The following PPP1R21 variants were observed in gnomAD, a reference collection of about 807,000 sequenced individuals.
The protein encoded by PPP1R21 is protein phosphatase 1 regulatory subunit 21, also known as KLRAQ motif containing 1.
Under a neutral mutation model 112.8 loss-of-function variants are expected in PPP1R21, and 85 were observed. That is an observed-to-expected ratio of 0.75 (90% CI 0.63 to 0.90). The LOEUF is 0.90. PPP1R21 is among the 40% of genes least tolerant of loss of function. The pLI, the probability that PPP1R21 is intolerant of heterozygous loss-of-function variation, is 0.00. For synonymous variants in PPP1R21, 381 were observed against 322.3 expected, an observed-to-expected ratio of 1.18 and a Z score of -1.95; for missense variants, 1,199 against 901.5, an observed-to-expected ratio of 1.33 and a Z score of -4.23.
rs913532186 is a variant in PPP1R21 at position 48,456,877 on chromosome 2, C to T, written c.274-1249C>T. 2.0e-5 allele frequency among the ~76,000 whole-genome samples: 3 copies of T among 152,030 alleles called. No homozygotes were observed. In the East Asian group the frequency reaches 5.8e-4, roughly 29 times the overall value. On this transcript the variant is annotated intron_variant, in intron 3 of 21. Transcript: ENST00000294952. Reference sequence around the variant, plus strand: ...ACCAGCCTGGCCAGCATGGTGAAACCCTGTCTCTACTAAAAATACAAAAAA... The same window carrying T: ...ACCAGCCTGGCCAGCATGGTGAAACTCTGTCTCTACTAAAAATACAAAAAA...
intron 7 of PPP1R21, among the ~76,000 whole-genome samples, chr2:48,463,554 G>T (rs1668071299): frequency 6.6e-6 from 1 of 152,102 alleles, no homozygotes; most frequent in African/African-American, 2.4e-5. Flanking sequence ...TGAAGGAAAT[G>T]GAGAAGCATG....
At chr2:48,443,854 G>T (rs1031216164) in intron 1 of PPP1R21, among the ~76,000 whole-genome samples, 1 of 151,994 alleles carries the variant, frequency 6.6e-6, no homozygotes, top group African/African-American at 2.4e-5. Context: ...TAATTTTTCT[G>T]CCTTATTTAG....
intron 13 of PPP1R21, among the ~76,000 whole-genome samples, chr2:48,485,081 A>G (rs542582909): frequency 6.6e-6 from 1 of 152,150 alleles, no homozygotes; most frequent in Non-Finnish European, 1.5e-5. Context: ...GGGAATGTAA[A>G]TTAGTTCAAC....
intron 12 of PPP1R21, among the ~76,000 whole-genome samples, chr2:48,475,834 C>T (rs562166765): frequency 6.6e-6 from 1 of 150,728 alleles, no homozygotes; most frequent in Admixed American, 6.6e-5. Context: ...GCAGCAATAG[C>T]GAAACTGTCT....
intron 9 of PPP1R21, among the ~76,000 whole-genome samples, chr2:48,470,817 T>C (rs955651601): frequency 2.6e-5 from 4 of 152,186 alleles, no homozygotes; most frequent in South Asian, 2.1e-4. Flanking sequence ...TGGTTATTAA[T>C]TGTGTCACCC....
At chr2:48,504,660 A>C (rs1272390322) in intron 17 of PPP1R21, among the ~76,000 whole-genome samples, 1 of 152,118 alleles carries the variant, frequency 6.6e-6, no homozygotes, top group African/African-American at 2.4e-5. Flanking sequence ...CAAACAAAAA[A>C]AAACTGTTCA....
At chr2:48,471,559 T>C (rs192516575) in intron 11 of PPP1R21, 192 bp downstream of exon 11, 29 of 555,426 alleles carry the variant, frequency 5.2e-5, no homozygotes, top group African/African-American at 5.1e-4. Context: ...AGTTGAATTA[T>C]AGTCTGTCAG....
chr2:48,508,211 G>C (rs1670477324), intron 19 of PPP1R21, among the ~76,000 whole-genome samples: 1 of 152,156 alleles, frequency 6.6e-6, no homozygotes, highest in South Asian at 2.1e-4. Context: ...AAGGTAGAAT[G>C]GATGCTGCTC....
At chr2:48,452,849 C>T (rs896511177) in intron 2 of PPP1R21, among the ~76,000 whole-genome samples, 6 of 152,048 alleles carry the variant, frequency 3.9e-5, no homozygotes, top group Non-Finnish European at 5.9e-5. Context: ...AAATTATTTT[C>T]TCCTTAATGG....
chr2:48,506,345 C>T (rs569348243), intron 18 of PPP1R21, among the ~76,000 whole-genome samples: 2 of 152,130 alleles, frequency 1.3e-5, no homozygotes, highest in African/African-American at 4.8e-5. Context: ...CCATCTGCCT[C>T]GGCCTCCCAA....
intron 1 of PPP1R21, among the ~76,000 whole-genome samples, chr2:48,446,143 G>A (rs545916020): frequency 3.7e-4 from 57 of 152,344 alleles, no homozygotes; most frequent in African/African-American, 1.3e-3. Flanking sequence ...TGTAAAAGTG[G>A]TTCTAACACA....
chr2:48,471,573 C>T (rs1668497069), intron 11 of PPP1R21: 2 of 516,158 alleles, frequency 3.9e-6, no homozygotes, highest in African/African-American at 1.9e-5. Flanking sequence ...CTGTCAGTTA[C>T]AGATTTTCAG....
intron 14 of PPP1R21, among the ~76,000 whole-genome samples, chr2:48,490,586 A>G (rs1669518592): frequency 6.6e-6 from 1 of 152,184 alleles, no homozygotes; most frequent in Admixed American, 6.5e-5. Flanking sequence ...ATTTAAATGG[A>G]AGTTACATAT....
intron 1 of PPP1R21, among the ~76,000 whole-genome samples, chr2:48,446,836 C>T (rs939541359): frequency 2.6e-5 from 4 of 152,102 alleles, no homozygotes; most frequent in African/African-American, 7.2e-5. Flanking sequence ...AACCTCCGTC[C>T]GTCTCCTGGG....
rs1667816066 is a variant in PPP1R21, at chr2:48,458,360, T to C, written c.375+133T>C. 5.5e-6 allele frequency: 3 copies of C among 546,556 alleles called. No homozygotes were observed. The Admixed American group carries it at 9.0e-5, about 16-fold the overall frequency. The allele number at this position is 546,556 out of a possible 1,614,324, so 33.9% of individuals were successfully genotyped here. A position where few individuals can be genotyped will look rare whatever the true frequency, so the allele number is the denominator to read the frequency against. ...GTCTTCTATGGTCTTCAAGTATATA[T>C]GTCACTGTCACTTATTCATTTCTTA... On this transcript the variant is annotated intron_variant, in intron 4 of 21. Transcript: ENST00000294952.
intron 2 of PPP1R21, among the ~76,000 whole-genome samples, chr2:48,452,511 T>G (rs1179618285): frequency 1.3e-5 from 2 of 150,384 alleles, no homozygotes; most frequent in East Asian, 3.9e-4. Context: ...ATAAGCATAA[T>G]TATATATTAT....
At chr2:48,469,837 C>T (rs1668425150) in intron 9 of PPP1R21, among the ~76,000 whole-genome samples, 2 of 152,072 alleles carry the variant, frequency 1.3e-5, no homozygotes, top group South Asian at 4.2e-4. Flanking sequence ...GATTCAGAAA[C>T]CATTTGTTAA....
intron 7 of PPP1R21, among the ~76,000 whole-genome samples, chr2:48,462,011 C>G (rs534681961): frequency 6.6e-6 from 1 of 152,062 alleles, no homozygotes; most frequent in Non-Finnish European, 1.5e-5. Flanking sequence ...TTTAAATTCC[C>G]CTTTGAAAAT....
intron 17 of PPP1R21, among the ~76,000 whole-genome samples, chr2:48,499,430 TA>T (rs374039959): frequency 6.6e-5 from 10 of 152,274 alleles, no homozygotes; most frequent in African/African-American, 1.9e-4. Flanking sequence ...TTAATAGAAA[TA>T]ACCACAGGAA....
Sources: allele counts gnomAD v4.1 joint callset (sites outside exome capture counted in the v4.1 genomes callset), GRCh38; gene constraint gnomAD v4.1.1; transcripts MANE v1.5; gene names NCBI Gene and HGNC (gene_info 2026-07-23, HGNC 2026-07-21).